Variants in MFF observed in about 807,000 individuals in gnomAD.
MFF encodes chromosome 2 open reading frame 33.
Under a neutral mutation model 36.9 loss-of-function variants are expected in MFF, and 12 were observed. The observed-to-expected ratio is 0.33, with a 90% confidence interval of 0.21 to 0.53. MFF has a LOEUF of 0.53. Ranked by LOEUF, MFF falls within the 20% of genes least tolerant of loss-of-function variation. The probability of loss-of-function intolerance (pLI) is 0.95; values close to 1 mark genes in which losing one functional copy is unlikely to be tolerated. For missense variants in MFF, 348 were observed against 366.6 expected, an observed-to-expected ratio of 0.95 and a Z score of 0.42; for synonymous variants, 99 against 126.2, an observed-to-expected ratio of 0.78 and a Z score of 1.44.
intron 3 of MFF, among the ~76,000 whole-genome samples, chr2:227,331,750 T>C (rs1254604738): frequency 6.6e-6 from 1 of 152,188 alleles, no homozygotes; most frequent in Non-Finnish European, 1.5e-5. Flanking sequence ...ATTAATAATT[T>C]TGAACATCTG....
Position 227,330,639 on chromosome 2 carries a change from G to A in MFF, c.-27G>A. The A allele has an allele frequency of 1.9e-6, 3 of 1,613,756 alleles. No individual in the cohort carries two copies. The highest frequency in any genetic ancestry group is 1.7e-4 in the Middle Eastern group (1 of 6,044). On this transcript the variant is annotated 5_prime_UTR_variant, in exon 3 of 9. Transcript: ENST00000304593. ...TTTCTCCCACAGGGTGAGCAGGGCA[G>A]CATTTCCTTCTCCCACTGCTGCTGA...
At chr2:227,326,330 C>T (rs986178087) in intron 1 of MFF, among the ~76,000 whole-genome samples, 2 of 151,682 alleles carry the variant, frequency 1.3e-5, no homozygotes, top group Non-Finnish European at 2.9e-5. Flanking sequence ...AATGTTTTGT[C>T]TCCCTGCGTG....
intron 1 of MFF, among the ~76,000 whole-genome samples, chr2:227,327,447 G>C (rs2074244108): frequency 6.6e-6 from 1 of 152,130 alleles, no homozygotes; most frequent in South Asian, 2.1e-4. Flanking sequence ...ATCAGATTTT[G>C]ATTGGTTTTA....
intron 4 of MFF, among the ~76,000 whole-genome samples, chr2:227,334,892 G>T (rs185375970): frequency 6.6e-6 from 1 of 152,308 alleles, no homozygotes; most frequent in Non-Finnish European, 1.5e-5. Flanking sequence ...GTACTGGCTG[G>T]GTGCGGTGGC....
chr2:227,339,398 T>C (rs1248289536), intron 4 of MFF, among the ~76,000 whole-genome samples: 1 of 152,190 alleles, frequency 6.6e-6, no homozygotes, highest in Non-Finnish European at 1.5e-5. Context: ...TTCTTCAATG[T>C]CTGGGGCCTA....
Position 227,325,328 on chromosome 2 carries a change from C to A in MFF, c.-252C>A, listed in dbSNP as rs145568471. ...GCTCCGCCGGTGCTGTCCCTGGGCG[C>A]CTCCGTGCTCTCAGCCAACCACCTC... is the stretch of plus-strand genomic sequence containing the variant. On this transcript the variant is annotated 5_prime_UTR_variant, in exon 1 of 9. Coordinates refer to ENST00000304593, the MANE Select transcript of MFF (RefSeq NM_001277062.2). The A allele has an allele frequency of 0.027, 4,351 of 159,590 alleles. 115 individuals carry two copies. The highest frequency in any genetic ancestry group is 0.035 in the Admixed American group (538 of 15,572). The allele number at this position is 159,590 out of a possible 1,614,324, so 9.9% of individuals were successfully genotyped here.
At chr2:227,340,808 T>C (rs558025531) in intron 5 of MFF, among the ~76,000 whole-genome samples, 35 of 152,328 alleles carry the variant, frequency 2.3e-4, no homozygotes, top group Non-Finnish European at 2.9e-5. Context: ...TAAACCTTTC[T>C]TTTTCATTTG....
Position 227,347,394 on chromosome 2 carries a change from C to T in MFF, c.599+10C>T, listed in dbSNP as rs768598348. The T allele has an allele frequency of 1.9e-6, 3 of 1,612,914 alleles. No individual in the cohort carries two copies. Among genetic ancestry groups the T allele is most frequent in the South Asian group, 2.2e-5 (2 of 91,006 alleles). The stretch of plus-strand genomic sequence containing the variant: ...TGGATGAAAATCGCAGGTGATTGGC[C>T]ATCCGTGACTCTTGACAGCTTTATT... On this transcript the variant is annotated intron_variant, in intron 6 of 8. Coordinates refer to ENST00000304593, the MANE Select transcript of MFF (RefSeq NM_001277062.2).
chr2:227,352,854 T>C (rs1014191849), intron 7 of MFF, among the ~76,000 whole-genome samples: 49 of 152,216 alleles, frequency 3.2e-4, no homozygotes, highest in Non-Finnish European at 5.9e-5. Flanking sequence ...TATAATAATT[T>C]ACATGCTAAA....
At chr2:227,348,563 C>A (rs1428399385) in intron 6 of MFF, among the ~76,000 whole-genome samples, 4 of 152,130 alleles carry the variant, frequency 2.6e-5, no homozygotes, top group Non-Finnish European at 5.9e-5. Context: ...GGTTTAGACT[C>A]CCTTTTATGC....
At chr2:227,341,784 A>G (rs2075407220) in intron 5 of MFF, among the ~76,000 whole-genome samples, 1 of 152,116 alleles carries the variant, frequency 6.6e-6, no homozygotes, top group Non-Finnish European at 1.5e-5. Context: ...AAAGATTTCT[A>G]GTAAGCTTTT....
chr2:227,330,649 C>T lies in MFF; in HGVS notation c.-17C>T. ...AGGGTGAGCAGGGCAGCATTTCCTT[C>T]TCCCACTGCTGCTGAGATGGCAGAA... On this transcript the variant is annotated 5_prime_UTR_variant, in exon 3 of 9. Transcript: ENST00000304593. 8 of 1,613,796 alleles carry T rather than the reference C, an allele frequency of 5.0e-6. No individual in the cohort carries two copies. The highest frequency in any genetic ancestry group is 6.8e-6 in the Non-Finnish European group (8 of 1,179,682).
intron 6 of MFF, 65 bp downstream of exon 6, chr2:227,347,449 C>T: frequency 7.4e-7 from 1 of 1,346,650 alleles, no homozygotes. Flanking sequence ...GTTTAGTGGA[C>T]TGTGGTGTCT....
chr2:227,347,199 C>G, intron 5 of MFF, 27 bp from the exon 6 acceptor site: 1 of 1,595,568 alleles, frequency 6.3e-7, no homozygotes, highest in Non-Finnish European at 8.6e-7. Flanking sequence ...GTGTTTTTCT[C>G]TTCATTTGCT....
At chr2:227,353,227 T>G (rs568682877) in intron 7 of MFF, among the ~76,000 whole-genome samples, 1 of 152,326 alleles carries the variant, frequency 6.6e-6, no homozygotes, top group East Asian at 1.9e-4. Flanking sequence ...TACATGCAGT[T>G]CTTAAGTGCC....
At chr2:227,332,382 T>G in intron 3 of MFF, 37 bp from the exon 4 acceptor site, 1 of 1,506,240 alleles carries the variant, frequency 6.6e-7, no homozygotes, top group Non-Finnish European at 8.9e-7. Flanking sequence ...AACCTCCCGC[T>G]TTTCTCTTCT....
chr2:227,356,358 G>A (rs1452905562), intron 8 of MFF, among the ~76,000 whole-genome samples: 2 of 152,172 alleles, frequency 1.3e-5, no homozygotes, highest in Non-Finnish European at 2.9e-5. Context: ...AGCTTTAGCA[G>A]GTGGTTGTTC....
chr2:227,333,214 G>A lies in MFF; in HGVS notation c.351+626G>A, dbSNP rs546442883. Among the ~76,000 whole-genome samples, 5 of 152,304 alleles carry A rather than the reference G, an allele frequency of 3.3e-5. No homozygotes were observed. In the South Asian group the frequency reaches 1.0e-3, roughly 32 times the overall value. Reference sequence around the variant, plus strand: ...TAACATGTTGTCATGAAGCTAGTATGAGACAATGTGCAAACATATGTTTTT... The same window carrying A: ...TAACATGTTGTCATGAAGCTAGTATAAGACAATGTGCAAACATATGTTTTT... On this transcript the variant is annotated intron_variant, in intron 4 of 8. Coordinates refer to ENST00000304593, the MANE Select transcript of MFF (RefSeq NM_001277062.2).
At chr2:227,336,891 A>G (rs984479044) in intron 4 of MFF, among the ~76,000 whole-genome samples, 4 of 152,256 alleles carry the variant, frequency 2.6e-5, no homozygotes, top group Admixed American at 2.6e-4. Context: ...TATATGACAT[A>G]TCCTAAAACA....
Sources: gnomAD v4.1 joint callset for allele counts (sites outside exome capture counted in the v4.1 genomes callset) on GRCh38, gnomAD v4.1.1 for gene constraint, MANE v1.5 for transcripts, NCBI Gene and HGNC (gene_info 2026-07-23, HGNC 2026-07-21) for gene names.